The following APOC1 variants were observed in gnomAD, a reference collection of about 807,000 sequenced individuals.
The protein encoded by APOC1 is apolipoprotein C-I.
A neutral mutation model predicts 6.7 loss-of-function variants in APOC1; 4 were observed. The observed-to-expected ratio is 0.60, with a 90% CI of 0.29 to 1.37. The LOEUF (loss-of-function observed/expected upper bound fraction) is 1.37, where lower values mean the gene tolerates loss of function less well. Ranked by LOEUF, APOC1 falls within the 40% of genes most tolerant of loss-of-function variation. The pLI is 0.09. For missense variants in APOC1, 122 were observed against 99.4 expected, an observed-to-expected ratio of 1.23 and a Z score of -0.97; for synonymous variants, 33 against 40.6, an observed-to-expected ratio of 0.81 and a Z score of 0.72.
At chr19:44,919,070 A>C in intron 3 of APOC1, 103 bp from the exon 4 acceptor site, 2 of 1,021,166 alleles carry the variant, frequency 2.0e-6, no homozygotes, top group East Asian at 4.8e-5. Flanking sequence ...GTGGGGATGG[A>C]GATTCTGCAA....
intron 3 of APOC1, among the ~76,000 whole-genome samples, chr19:44,917,362 C>T (rs866693871): frequency 1.3e-5 from 2 of 152,230 alleles, no homozygotes; most frequent in South Asian, 2.1e-4. Context: ...TTTGGAAGGC[C>T]GAGGTGGGTG....
Position 44,916,191 on chromosome 19 carries a change from C to G in APOC1, c.60C>G (p.Gly20=). 1.3e-6 allele frequency: 2 copies of G among 1,573,828 alleles called. No individual in the cohort carries two copies. The highest frequency in any genetic ancestry group is 1.7e-6 in the Non-Finnish European group (2 of 1,162,490). The change falls in exon 3 of 4, where the codon GGC becomes GGG. Residue 20 remains glycine (G), a splice_region_variant and synonymous_variant. Transcript: ENST00000592535. ...LVVVLSIVLE[G]PAPAQGTPDV... ...AACCCCTGCCCATCTTCCTGGCAGG[C>G]CCAGCCCCAGCCCAGGGGACCCCAG... is the stretch of plus-strand genomic sequence containing the variant.
intron 2 of APOC1, 22 bp from the exon 3 acceptor site, chr19:44,916,168 C>T (rs770551722): frequency 3.6e-6 from 3 of 842,928 alleles, no homozygotes; most frequent in East Asian, 6.4e-5. Flanking sequence ...AAATTTTGAA[C>T]CCCTGCCCAT....
chr19:44,914,631 A>T lies in APOC1; in HGVS notation c.-123A>T. On this transcript the variant is annotated 5_prime_UTR_variant, in exon 1 of 4. Coordinates refer to ENST00000592535, the MANE Select transcript of APOC1 (RefSeq NM_001645.5). ...GCAGGCGGTCAGGGGAAGGCTCAGG[A>T]GGAGGGAGATCAACATCAACCTGCC... is the stretch of plus-strand genomic sequence containing the variant. 2 of 516,352 alleles carry T rather than the reference A, an allele frequency of 3.9e-6. No homozygotes were observed. Among genetic ancestry groups the T allele is most frequent in the Non-Finnish European group, 3.5e-6 (1 of 284,300 alleles). The allele number at this position is 516,352 out of a possible 1,614,324, so 32.0% of individuals were successfully genotyped here.
intron 3 of APOC1, among the ~76,000 whole-genome samples, chr19:44,917,170 A>G (rs999119836): frequency 6.6e-6 from 1 of 152,192 alleles, no homozygotes; most frequent in African/African-American, 2.4e-5. Flanking sequence ...GGTGTCTGGT[A>G]CATGTAGATG....
At chr19:44,915,120 A>G (rs1219524582) in intron 2 of APOC1, 171 bp downstream of exon 2, 4 of 674,412 alleles carry the variant, frequency 5.9e-6, no homozygotes, top group Admixed American at 2.4e-5. Context: ...TCAGTCCCGC[A>G]GGCGCCAAAT....
intron 3 of APOC1, 169 bp from the exon 4 acceptor site, chr19:44,919,004 A>G (rs1970056158): frequency 4.4e-6 from 3 of 682,554 alleles, no homozygotes; most frequent in African/African-American, 3.6e-5. Flanking sequence ...CATCTGGGAA[A>G]CTGAGGCACA....
At chr19:44,914,581 G>C, upstream of APOC1, 1 of 402,088 alleles carries the variant, frequency 2.5e-6, no homozygotes, top group Non-Finnish European at 4.7e-6. Flanking sequence ...GGGCAGAGGA[G>C]AAAAACGTGG....
At chr19:44,917,015 G>T (rs1164177056) in intron 3 of APOC1, among the ~76,000 whole-genome samples, 2 of 151,248 alleles carry the variant, frequency 1.3e-5, no homozygotes, top group African/African-American at 4.9e-5. Context: ...GAAAATGAAG[G>T]CCCCAAGCTT....
chr19:44,914,994 G>C (rs45575140), intron 2 of APOC1, 45 bp downstream of exon 2: 3 of 1,556,900 alleles, frequency 1.9e-6, no homozygotes, highest in Admixed American at 1.7e-5. Context: ...ATTTGGAAGA[G>C]TGAAGGTGGC....
At chr19:44,916,809 CAA>C (rs1160183813) in intron 3 of APOC1, among the ~76,000 whole-genome samples, 5,416 of 45,618 alleles carry the variant, frequency 0.12, 34 homozygotes, top group Middle Eastern at 0.19. Context: ...GACTCTGTCT[CAA>C]AAAAAAAAAA....
At chr19:44,914,779 G>C in intron 1 of APOC1, 46 bp downstream of exon 1, 1 of 1,133,530 alleles carries the variant, frequency 8.8e-7, no homozygotes, top group Middle Eastern at 2.6e-4. Flanking sequence ...CACTCTGCAA[G>C]AAACTCAAAA....
intron 3 of APOC1, among the ~76,000 whole-genome samples, chr19:44,917,523 C>T (rs952138971): frequency 5.3e-5 from 8 of 151,632 alleles, no homozygotes; most frequent in Admixed American, 1.3e-4. Context: ...GGCTGCAGTG[C>T]GCCATGTTTG....
chr19:44,916,239 G>A lies in APOC1; in HGVS notation c.108G>A (p.Lys36=). 8 of 1,612,284 alleles carry A rather than the reference G, an allele frequency of 5.0e-6. No individual in the cohort carries two copies. Among genetic ancestry groups the A allele is most frequent in the Non-Finnish European group, 5.1e-6 (6 of 1,179,412 alleles). ...GTPDVSSALD[K]LKEFGNTLED... ...CAGACGTCTCCAGTGCCTTGGATAA[G>A]CTGAAGGAGTTTGGAAACACACTGG... is the stretch of plus-strand genomic sequence containing the variant. Residue 36 remains lysine, a synonymous_variant, in exon 3 of 4, where the codon AAG becomes AAA. Coordinates refer to ENST00000592535, the MANE Select transcript of APOC1 (RefSeq NM_001645.5).
chr19:44,915,576 G>A (rs939703375), intron 2 of APOC1, among the ~76,000 whole-genome samples: 6 of 151,304 alleles, frequency 4.0e-5, no homozygotes, highest in Admixed American at 3.9e-4. Flanking sequence ...GGGATTACAG[G>A]CGTGAGCCAC....
chr19:44,917,484 G>A (rs1166832125), intron 3 of APOC1, among the ~76,000 whole-genome samples: 2 of 152,018 alleles, frequency 1.3e-5, no homozygotes, highest in Non-Finnish European at 2.9e-5. Context: ...AGGCTGAGGC[G>A]AGAGGATTGC....
Position 44,919,285 on chromosome 19 carries a change from G to A in APOC1, c.*55G>A, listed in dbSNP as rs999993683. ...CCTCTGAAATTTCCCACACCCCAGC[G>A]CCTGTGCTGAGGACTCCCTCCATGT... On this transcript the variant is annotated 3_prime_UTR_variant, in exon 4 of 4. Coordinates refer to ENST00000592535, the MANE Select transcript of APOC1 (RefSeq NM_001645.5). 5.3e-6 allele frequency: 8 copies of A among 1,520,854 alleles called. No individual in the cohort carries two copies. The highest frequency in any genetic ancestry group is 2.2e-5 in the South Asian group (2 of 89,218). 94.2% of individuals were successfully genotyped at this position (1,520,854 alleles called of 1,614,324 possible).
chr19:44,914,559 C>G, upstream of APOC1: 1 of 324,294 alleles, frequency 3.1e-6, no homozygotes, highest in East Asian at 6.4e-5. Flanking sequence ...GACCCCAACG[C>G]TCACGGGACA....
At chr19:44,919,043 T>C (rs543208823) in intron 3 of APOC1, 130 bp from the exon 4 acceptor site, 2 of 854,882 alleles carry the variant, frequency 2.3e-6, no homozygotes, top group Non-Finnish European at 3.9e-6. Context: ...CCAGCGGTCC[T>C]CCTAATCCCA....
Sources: gnomAD v4.1 joint callset for allele counts (sites outside exome capture counted in the v4.1 genomes callset) on GRCh38, gnomAD v4.1.1 for gene constraint, MANE v1.5 for transcripts, NCBI Gene and HGNC (gene_info 2026-07-23, HGNC 2026-07-21) for gene names.